The following LINGO2 variants were observed in gnomAD, a reference collection of about 807,000 sequenced individuals.
The protein encoded by LINGO2 is leucine-rich repeat and immunoglobulin-like domain-containing nogo receptor-interacting protein 2.
Under a neutral mutation model 30.6 loss-of-function variants are expected in LINGO2, and 14 were observed. The observed-to-expected ratio is 0.46, with a 90% CI of 0.30 to 0.72. The LOEUF is 0.72. Among genes scored for constraint, LINGO2 ranks in the 30% least tolerant of loss-of-function variants. LINGO2 has a pLI of 0.07. For missense variants in LINGO2, 729 were observed against 751.7 expected (o/e 0.97, Z 0.35); for synonymous variants, 317 against 288.5 (o/e 1.10, Z -1.00).
At chr9:28,292,294 T>C (rs558102331) in intron 4 of LINGO2, among the ~76,000 whole-genome samples, 37 of 152,102 alleles carry the variant, frequency 2.4e-4, no homozygotes, top group Non-Finnish European at 4.4e-4. Context: ...ATCTCTAACA[T>C]GAGGATAACA....
At chr9:27,946,039 G>A (rs529772389), downstream of LINGO2, among the ~76,000 whole-genome samples, 247 of 152,224 alleles carry the variant, frequency 1.6e-3, no homozygotes, top group Non-Finnish European at 2.6e-3. Context: ...TTAGGAATAC[G>A]TCACAAGAGT....
the LINGO2 span, among the ~76,000 whole-genome samples, chr9:29,108,050 G>A: frequency 6.6e-6 from 1 of 152,114 alleles, no homozygotes; most frequent in Admixed American, 6.6e-5. Flanking sequence ...TAAAGGCTCA[G>A]GGAAGGCACT....
At chr9:28,871,685 G>A in the LINGO2 span, among the ~76,000 whole-genome samples, 1 of 151,920 alleles carries the variant, frequency 6.6e-6, no homozygotes, top group Non-Finnish European at 1.5e-5. Flanking sequence ...AAGATGACAA[G>A]TAGAAGGAGC....
the LINGO2 span, among the ~76,000 whole-genome samples, chr9:28,993,669 T>G: frequency 6.7e-6 from 1 of 150,350 alleles, no homozygotes; most frequent in Non-Finnish European, 1.5e-5. Context: ...TTATCCACCA[T>G]GATCAAGTGG....
the LINGO2 span, among the ~76,000 whole-genome samples, chr9:28,856,415 G>A: frequency 1.3e-5 from 2 of 151,934 alleles, no homozygotes; most frequent in African/African-American, 4.8e-5. Context: ...TCACAAACAA[G>A]TATGTTACAA....
chr9:29,143,572 T>C, the LINGO2 span, among the ~76,000 whole-genome samples: 6 of 152,120 alleles, frequency 3.9e-5, no homozygotes, highest in African/African-American at 1.4e-4. Flanking sequence ...GGATAGTCTC[T>C]TGTACAAATG....
chr9:28,933,127 G>A, the LINGO2 span, among the ~76,000 whole-genome samples: 1 of 151,836 alleles, frequency 6.6e-6, no homozygotes, highest in Admixed American at 6.6e-5. Context: ...GACTGGTCTC[G>A]AACTCCTGGC....
At chr9:28,494,406 C>A (rs1009205057) in intron 1 of LINGO2, among the ~76,000 whole-genome samples, 12 of 152,056 alleles carry the variant, frequency 7.9e-5, no homozygotes, top group African/African-American at 2.9e-4. Flanking sequence ...TGTGATGTTC[C>A]CCTTCCTGTG....
chr9:28,848,363 T>TTGTGTGTG, the LINGO2 span, among the ~76,000 whole-genome samples: 125 of 74,630 alleles, frequency 1.7e-3, no homozygotes, highest in East Asian at 8.2e-3. Context: ...TACACATATA[T>TTGTGTGTG]TGTGTGTGTG....
the LINGO2 span, among the ~76,000 whole-genome samples, chr9:28,956,483 C>T: frequency 3.3e-5 from 5 of 152,118 alleles, no homozygotes; most frequent in Non-Finnish European, 7.4e-5. Flanking sequence ...GGGAATCACA[C>T]TGGTATTTCC....
chr9:28,088,656 T>C (rs752817079), intron 4 of LINGO2, among the ~76,000 whole-genome samples: 5 of 152,094 alleles, frequency 3.3e-5, no homozygotes, highest in Non-Finnish European at 5.9e-5. Flanking sequence ...CTGTATCAAC[T>C]AAAGAGCAAA....
At chr9:28,179,218 G>A (rs746896523) in intron 4 of LINGO2, among the ~76,000 whole-genome samples, 1 of 125,518 alleles carries the variant, frequency 8.0e-6, no homozygotes, top group Non-Finnish European at 1.7e-5. Flanking sequence ...TAATGTGTGT[G>A]GAAGCATTTA....
At chr9:28,074,255 C>T (rs1238547369) in intron 4 of LINGO2, among the ~76,000 whole-genome samples, 1 of 152,120 alleles carries the variant, frequency 6.6e-6, no homozygotes, top group Non-Finnish European at 1.5e-5. Flanking sequence ...AAATTGTGCA[C>T]CCTAAAATTG....
chr9:29,017,318 GC>G, the LINGO2 span, among the ~76,000 whole-genome samples: 1 of 152,116 alleles, frequency 6.6e-6, no homozygotes, highest in South Asian at 2.1e-4. Context: ...TATATGTAAG[GC>G]CTTCAAACCA....
intron 4 of LINGO2, among the ~76,000 whole-genome samples, chr9:28,267,912 C>T (rs375880531): frequency 6.6e-6 from 1 of 151,904 alleles, no homozygotes; most frequent in Non-Finnish European, 1.5e-5. Context: ...ATTAATCTCT[C>T]GGAGCCTTAG....
chr9:28,637,824 G>T (rs551042691), intron 1 of LINGO2, among the ~76,000 whole-genome samples: 1 of 152,230 alleles, frequency 6.6e-6, no homozygotes, highest in African/African-American at 2.4e-5. Flanking sequence ...TCTTTCTGCT[G>T]CCTGATTGCC....
intron 5 of LINGO2, among the ~76,000 whole-genome samples, chr9:28,006,489 CT>C (rs1458282658): frequency 6.6e-6 from 1 of 152,036 alleles, no homozygotes; most frequent in Non-Finnish European, 1.5e-5. Context: ...TATAAAATGC[CT>C]TGCATTAGAC....
chr9:28,309,561 A>T (rs1279305861), intron 3 of LINGO2, among the ~76,000 whole-genome samples: 4 of 151,982 alleles, frequency 2.6e-5, no homozygotes, highest in African/African-American at 9.7e-5. Context: ...GTGCACATGG[A>T]CCCTAAAAGT....
the LINGO2 span, among the ~76,000 whole-genome samples, chr9:28,747,243 G>A: frequency 6.6e-6 from 1 of 152,076 alleles, no homozygotes; most frequent in East Asian, 1.9e-4. Context: ...ATGCTGAGAG[G>A]AGTTTGGCTG....
Sources: gnomAD v4.1 joint callset for allele counts (sites outside exome capture counted in the v4.1 genomes callset) on GRCh38, gnomAD v4.1.1 for gene constraint, MANE v1.5 for transcripts, NCBI Gene and HGNC (gene_info 2026-07-23, HGNC 2026-07-21) for gene names.